The following LUZP2 variants were observed in gnomAD, a reference collection of about 807,000 sequenced individuals.
LUZP2 encodes leucine zipper protein 2.
Under a neutral mutation model 51.6 loss-of-function variants are expected in LUZP2, and 52 were observed. That is an observed-to-expected ratio of 1.01 (90% CI 0.81 to 1.27). The LOEUF (loss-of-function observed/expected upper bound fraction) is 1.27. Among genes scored for constraint, LUZP2 ranks in the 50% most tolerant of loss-of-function variants. The probability of loss-of-function intolerance (pLI) is 0.00; values close to 1 mark genes in which losing one functional copy is unlikely to be tolerated. For missense variants in LUZP2, 436 were observed against 395.4 expected (o/e 1.10, Z -0.87); for synonymous variants, 154 against 137.3 (o/e 1.12, Z -0.85).
intron 5 of LUZP2, among the ~76,000 whole-genome samples, chr11:24,782,283 G>A (rs1030802814): frequency 2.0e-5 from 3 of 152,030 alleles, no homozygotes; most frequent in African/African-American, 7.2e-5. Flanking sequence ...TGGTCAGAGT[G>A]CAGCTGTGAA....
In LUZP2 at chr11:25,023,701, C is replaced by T. The variant is rs537830438; in HGVS notation, c.766-26337C>T. On this transcript the variant is annotated intron_variant, in intron 9 of 11. Transcript: ENST00000336930. ...CTTTTGAATGTGTTTGCTCTTGCTT[C>T]TCTAGTTATTTTAATTGTGATGTTA... 9.5e-3 allele frequency among the ~76,000 whole-genome samples: 1,442 copies of T among 152,120 alleles called. 20 individuals carry two copies. Among genetic ancestry groups the T allele is most frequent in the African/African-American group, 0.033 (1,375 of 41,504 alleles).
At position 24,792,800 on chromosome 11, in the gene LUZP2, C is replaced by G. The variant is rs560881425; in HGVS notation, c.396+29492C>G. On this transcript the variant is annotated intron_variant, in intron 5 of 11. Coordinates refer to ENST00000336930, the MANE Select transcript of LUZP2 (RefSeq NM_001009909.4). ...GTTGTTGTTCCTACTCAATCCACAC[C>G]CTGGTTCTCCCTGCATGAACTTGGT... Among the ~76,000 whole-genome samples, 4 of 152,226 alleles carry G rather than the reference C, an allele frequency of 2.6e-5. No homozygotes were observed. The East Asian group carries it at 5.8e-4, about 22-fold the overall frequency.
At position 25,065,395 on chromosome 11, in the gene LUZP2, A is replaced by G. The variant is rs558291969; in HGVS notation, c.859-11934A>G. ...ATATAATACAGAACACAGTGGGATG[A>G]GTGTCACTCAGATAAGTGCATTAAA... is the stretch of plus-strand genomic sequence containing the variant. On this transcript the variant is annotated intron_variant, in intron 10 of 11. Transcript: ENST00000336930. Among the ~76,000 whole-genome samples the G allele has an allele frequency of 3.3e-5, 5 of 152,180 alleles. No individual in the cohort carries two copies. The East Asian group carries it at 9.6e-4, about 29-fold the overall frequency.
At chr11:24,536,272 C>G (rs1043970035) in intron 1 of LUZP2, among the ~76,000 whole-genome samples, 8 of 151,794 alleles carry the variant, frequency 5.3e-5, no homozygotes, top group African/African-American at 1.9e-4. Flanking sequence ...TAGTGTCTAA[C>G]AGGAGAGTCA....
At chr11:24,669,733 G>T (rs965921709) in intron 1 of LUZP2, among the ~76,000 whole-genome samples, 22 of 152,000 alleles carry the variant, frequency 1.4e-4, no homozygotes, top group African/African-American at 5.3e-4. Flanking sequence ...TTGAGGAATT[G>T]TGCTTTTGTA....
intron 5 of LUZP2, among the ~76,000 whole-genome samples, chr11:24,855,055 G>C (rs576365997): frequency 6.6e-6 from 1 of 152,242 alleles, no homozygotes; most frequent in South Asian, 2.1e-4. Flanking sequence ...TGGAGCTATA[G>C]ACTGGAGCTG....
At chr11:24,697,566 G>A (rs1338772315) in intron 1 of LUZP2, among the ~76,000 whole-genome samples, 1 of 152,162 alleles carries the variant, frequency 6.6e-6, no homozygotes, top group East Asian at 1.9e-4. Flanking sequence ...TTAGTTTGTA[G>A]TTTAATCTTA....
chr11:24,653,840 A>G (rs1283584620), intron 1 of LUZP2, among the ~76,000 whole-genome samples: 1 of 152,222 alleles, frequency 6.6e-6, no homozygotes. Flanking sequence ...TGTTACGGTA[A>G]GATATGAACT....
At chr11:24,566,868 C>T (rs55644810) in intron 1 of LUZP2, among the ~76,000 whole-genome samples, 9,747 of 127,724 alleles carry the variant, frequency 0.076, 441 homozygotes, top group Middle Eastern at 0.13. Flanking sequence ...AATGTATATA[C>T]ACATATTTAT....
intron 1 of LUZP2, among the ~76,000 whole-genome samples, chr11:24,531,632 C>T (rs1851003494): frequency 6.6e-6 from 1 of 150,922 alleles, no homozygotes; most frequent in African/African-American, 2.4e-5. Flanking sequence ...CTCTCTACTT[C>T]TGTGAGTAGA....
intron 9 of LUZP2, among the ~76,000 whole-genome samples, chr11:25,032,486 C>T (rs1371218320): frequency 6.6e-6 from 1 of 152,000 alleles, no homozygotes; most frequent in African/African-American, 2.4e-5. Flanking sequence ...TAATTTTGCT[C>T]TAATATTCTG....
At chr11:24,716,364 C>T (rs935573312) in intron 1 of LUZP2, among the ~76,000 whole-genome samples, 2 of 152,082 alleles carry the variant, frequency 1.3e-5, no homozygotes, top group Non-Finnish European at 2.9e-5. Flanking sequence ...AGACAAAAAA[C>T]AAAAACAATG....
At chr11:24,677,998 C>G (rs1430343423) in intron 1 of LUZP2, among the ~76,000 whole-genome samples, 1 of 140,912 alleles carries the variant, frequency 7.1e-6, no homozygotes, top group East Asian at 2.1e-4. Context: ...GATAGTGCCA[C>G]TGCACTCCAG....
chr11:24,683,693 C>A (rs1329762704), intron 1 of LUZP2, among the ~76,000 whole-genome samples: 1 of 152,052 alleles, frequency 6.6e-6, no homozygotes, highest in Non-Finnish European at 1.5e-5. Flanking sequence ...TTTATTTGAC[C>A]TCATGGACAT....
At chr11:25,052,330 C>G (rs906627782) in intron 10 of LUZP2, among the ~76,000 whole-genome samples, 1 of 152,174 alleles carries the variant, frequency 6.6e-6, no homozygotes, top group Non-Finnish European at 1.5e-5. Context: ...AGAATAGTGT[C>G]AACCGAAGAG....
At chr11:24,999,394 GGGA>G (rs1856608932) in intron 9 of LUZP2, among the ~76,000 whole-genome samples, 2 of 138,004 alleles carry the variant, frequency 1.4e-5, no homozygotes, top group South Asian at 2.4e-4. Flanking sequence ...CAGGAAGATG[GGGA>G]GGAGGAGGAA....
chr11:24,893,713 A>T (rs1176988782), intron 5 of LUZP2, among the ~76,000 whole-genome samples: 1 of 151,928 alleles, frequency 6.6e-6, no homozygotes, highest in Non-Finnish European at 1.5e-5. Flanking sequence ...CCTGGCATAT[A>T]CTTTTTTCAT....
Position 24,505,871 on chromosome 11 carries a change from G to A in LUZP2, c.62+8566G>A, listed in dbSNP as rs78486945. On this transcript the variant is annotated intron_variant, in intron 1 of 11. Coordinates refer to ENST00000336930, the MANE Select transcript of LUZP2 (RefSeq NM_001009909.4). ...TTACCTGACCTCGTTTCTATCTGGT[G>A]CCTGAAGCTCCAAATTATGTTGCTA... Among the ~76,000 whole-genome samples, 1,126 of 152,106 alleles carry A rather than the reference G, an allele frequency of 7.4e-3. 16 individuals are homozygous for A. The highest frequency in any genetic ancestry group is 0.025 in the African/African-American group (1,038 of 41,510).
intron 9 of LUZP2, among the ~76,000 whole-genome samples, chr11:25,047,474 C>G (rs985715145): frequency 6.7e-6 from 1 of 150,250 alleles, no homozygotes; most frequent in African/African-American, 2.5e-5. Flanking sequence ...TTAGGAGTTG[C>G]GAGTGCTTTA....
Sources: gnomAD v4.1 joint callset for allele counts (sites outside exome capture counted in the v4.1 genomes callset) on GRCh38, gnomAD v4.1.1 for gene constraint, MANE v1.5 for transcripts, NCBI Gene and HGNC (gene_info 2026-07-23, HGNC 2026-07-21) for gene names.